The following NYAP2 variants were observed in gnomAD, a reference collection of about 807,000 sequenced individuals.
The protein encoded by NYAP2 is neuronal tyrosine-phosphorylated phosphoinositide-3-kinase adapter 2.
Under a neutral mutation model 50.4 loss-of-function variants are expected in NYAP2, and 23 were observed. The observed-to-expected ratio is 0.46, with a 90% CI of 0.33 to 0.65. The LOEUF is 0.65. NYAP2 is among the 30% of genes least tolerant of loss of function. NYAP2 has a pLI of 0.02. For missense variants in NYAP2, 885 were observed against 861.0 expected (o/e 1.03, Z -0.35); for synonymous variants, 394 against 365.2 (o/e 1.08, Z -0.90).
intron 4 of NYAP2, among the ~76,000 whole-genome samples, chr2:225,543,213 G>C (rs1391615514): frequency 6.6e-6 from 1 of 151,490 alleles, no homozygotes; most frequent in African/African-American, 2.4e-5. Flanking sequence ...CCAACTTTCT[G>C]TTTCATTGAT....
chr2:225,419,712 A>G (rs989750926), intron 3 of NYAP2, among the ~76,000 whole-genome samples: 32 of 152,282 alleles, frequency 2.1e-4, no homozygotes, highest in African/African-American at 7.7e-4. Flanking sequence ...TATTAATATT[A>G]TTATTACTGT....
chr2:225,437,623 G>A (rs1689402696), intron 3 of NYAP2, among the ~76,000 whole-genome samples: 1 of 152,156 alleles, frequency 6.6e-6, no homozygotes, highest in African/African-American at 2.4e-5. Context: ...CCACCACCAT[G>A]CCAAATAAAA....
chr2:225,664,182 C>T, the NYAP2 span, among the ~76,000 whole-genome samples: 1 of 152,134 alleles, frequency 6.6e-6, no homozygotes, highest in African/African-American at 2.4e-5. Flanking sequence ...TGCTGATGTG[C>T]ACCGGAAATT....
intron 3 of NYAP2, among the ~76,000 whole-genome samples, chr2:225,507,395 T>G (rs1690726065): frequency 6.6e-6 from 1 of 152,198 alleles, no homozygotes. Context: ...ACAACATCAA[T>G]GCTGATGGAT....
chr2:225,470,361 A>C (rs139439802), intron 3 of NYAP2, among the ~76,000 whole-genome samples: 2 of 152,316 alleles, frequency 1.3e-5, no homozygotes, highest in East Asian at 1.9e-4. Flanking sequence ...GTAGAAATAA[A>C]AGTAAAATAC....
chr2:225,533,468 C>A (rs1399994729), intron 4 of NYAP2, among the ~76,000 whole-genome samples: 1 of 152,162 alleles, frequency 6.6e-6, no homozygotes, highest in Non-Finnish European at 1.5e-5. Context: ...GGGTGGAGTG[C>A]TTGAGCTCGG....
intron 5 of NYAP2, among the ~76,000 whole-genome samples, chr2:225,583,618 G>A (rs1219501526): frequency 6.6e-6 from 1 of 151,638 alleles, no homozygotes; most frequent in Admixed American, 6.6e-5. Flanking sequence ...AAGTCAAACA[G>A]TGAAAACAGA....
At chr2:225,634,991 AGAT>A (rs1210930742) in intron 6 of NYAP2, among the ~76,000 whole-genome samples, 3 of 152,224 alleles carry the variant, frequency 2.0e-5, no homozygotes, top group Non-Finnish European at 4.4e-5. Context: ...TTTATAAGAA[AGAT>A]GATTTTCTCT....
At chr2:225,545,019 T>C (rs1040264424) in intron 4 of NYAP2, among the ~76,000 whole-genome samples, 1 of 152,186 alleles carries the variant, frequency 6.6e-6, no homozygotes, top group African/African-American at 2.4e-5. Flanking sequence ...CTACTCTTTT[T>C]TGGCCTATAA....
the NYAP2 span, among the ~76,000 whole-genome samples, chr2:225,677,860 T>C: frequency 0.03 from 4,636 of 152,216 alleles, 253 homozygotes; most frequent in African/African-American, 0.11. Flanking sequence ...ATCAGGGATA[T>C]TGGCATGAAA....
intron 4 of NYAP2, among the ~76,000 whole-genome samples, chr2:225,542,289 G>A (rs925527945): frequency 1.3e-5 from 2 of 152,056 alleles, no homozygotes; most frequent in Non-Finnish European, 2.9e-5. Flanking sequence ...CTCTAGCTAG[G>A]ACTTCCAGGA....
chr2:225,436,418 T>C (rs191118555), intron 3 of NYAP2, among the ~76,000 whole-genome samples: 169 of 152,298 alleles, frequency 1.1e-3, no homozygotes, highest in African/African-American at 3.8e-3. Flanking sequence ...CCTTGGTTTG[T>C]GGAAGCATCA....
the NYAP2 span, among the ~76,000 whole-genome samples, chr2:225,689,445 G>A: frequency 6.6e-6 from 1 of 152,080 alleles, no homozygotes; most frequent in Non-Finnish European, 1.5e-5. Context: ...TATGTACCTA[G>A]CAATTGATCA....
intron 2 of NYAP2, among the ~76,000 whole-genome samples, chr2:225,407,298 A>G (rs1248086202): frequency 3.9e-5 from 6 of 152,044 alleles, no homozygotes; most frequent in African/African-American, 1.4e-4. Context: ...GTAAAATACA[A>G]TTCAATTACA....
chr2:225,511,281 C>A (rs760602479), intron 3 of NYAP2, among the ~76,000 whole-genome samples: 1 of 151,362 alleles, frequency 6.6e-6, no homozygotes, highest in Non-Finnish European at 1.5e-5. Flanking sequence ...ACAAACCACT[C>A]TGTTTGGATA....
chr2:225,489,691 T>A lies in NYAP2; in HGVS notation c.222-23680T>A, dbSNP rs535619985. Among the ~76,000 whole-genome samples, 6 of 152,304 alleles carry A rather than the reference T, an allele frequency of 3.9e-5. No homozygotes were observed. In the South Asian group the frequency reaches 1.2e-3, roughly 32 times the overall value. Reference sequence around the variant, plus strand: ...TGGAGTCATATGGCTAGGATGTGGATGTGTAAGCCAGCAGGGTATCCTCCT... The same window carrying A: ...TGGAGTCATATGGCTAGGATGTGGAAGTGTAAGCCAGCAGGGTATCCTCCT... On this transcript the variant is annotated intron_variant, in intron 3 of 6. Coordinates refer to ENST00000636099, the Ensembl canonical transcript of NYAP2.
At chr2:225,426,308 C>CA (rs1695287114) in intron 3 of NYAP2, among the ~76,000 whole-genome samples, 1 of 152,048 alleles carries the variant, frequency 6.6e-6, no homozygotes, top group Non-Finnish European at 1.5e-5. Flanking sequence ...CAGTTTTCTC[C>CA]ATGTAATATC....
chr2:225,513,054 C>T (rs913377371), intron 3 of NYAP2, among the ~76,000 whole-genome samples: 2 of 152,032 alleles, frequency 1.3e-5, no homozygotes, highest in Non-Finnish European at 2.9e-5. Context: ...CTGAATTGCA[C>T]GTCAAAATGA....
At chr2:225,489,473 C>T (rs1369010923) in intron 3 of NYAP2, among the ~76,000 whole-genome samples, 5 of 152,154 alleles carry the variant, frequency 3.3e-5, no homozygotes, top group Non-Finnish European at 7.3e-5. Context: ...GTTGAGATTA[C>T]AGGTGTGAGT....
Sources: allele counts gnomAD v4.1 joint callset (sites outside exome capture counted in the v4.1 genomes callset), GRCh38; gene constraint gnomAD v4.1.1; transcripts MANE v1.5; gene names NCBI Gene and HGNC (gene_info 2026-07-23, HGNC 2026-07-21).